ERBIN: variants seen among roughly 807,000 people sequenced by gnomAD.
ERBIN encodes the protein erbb2 interacting protein.
Under a neutral mutation model 158.4 loss-of-function variants are expected in ERBIN, and 60 were observed. That is an observed-to-expected ratio of 0.38 (90% CI 0.31 to 0.47). ERBIN has a LOEUF of 0.47. Among genes scored for constraint, ERBIN ranks in the 20% least tolerant of loss-of-function variants. The probability of loss-of-function intolerance (pLI) is 0.99; values close to 1 mark genes in which losing one functional copy is unlikely to be tolerated. For synonymous variants in ERBIN, 594 were observed against 557.2 expected (o/e 1.07, Z -0.93); for missense variants, 1,610 against 1,648.0 (o/e 0.98, Z 0.40).
chr5:66,072,383 T>TA (rs1205437759), intron 22 of ERBIN, 92 bp downstream of exon 22: 1 of 1,298,128 alleles, frequency 7.7e-7, no homozygotes, highest in African/African-American at 1.5e-5. Context: ...TAGATGAAAA[T>TA]ACTTTTTTGA....
chr5:66,010,000 A>G (rs1754034338), intron 4 of ERBIN, among the ~76,000 whole-genome samples: 1 of 152,208 alleles, frequency 6.6e-6, no homozygotes, highest in Non-Finnish European at 1.5e-5. Flanking sequence ...ATTTTGAACA[A>G]CCACCAAACT....
chr5:66,026,313 G>C lies in ERBIN; in HGVS notation c.1032G>C (p.Trp344Cys), dbSNP rs1756247688. 2 of 1,578,176 alleles carry C rather than the reference G, an allele frequency of 1.3e-6. No individual in the cohort carries two copies. The highest frequency in any genetic ancestry group is 1.7e-6 in the Non-Finnish European group (2 of 1,166,064). ...TATTTCTCTTTCAGATTGGAAGCTG[G>C]AAAAATATAACTGTGCTGTTTCTCC... ...LQQLPPEIGS[W>C]KNITVLFLHS... Residue 344 changes from tryptophan (W) to cysteine (C), a missense_variant, in exon 13 of 26, where the codon TGG becomes TGC. Around this residue, in one of 2 missense-constraint regions of ERBIN, gnomAD observed 596 missense variants for 711.9 expected, o/e 0.84. Coordinates refer to ENST00000284037, the MANE Select transcript of ERBIN (RefSeq NM_001253697.2).
At chr5:66,015,970 A>G (rs1754671020) in intron 7 of ERBIN, among the ~76,000 whole-genome samples, 1 of 152,212 alleles carries the variant, frequency 6.6e-6, no homozygotes, top group Admixed American at 6.5e-5. Context: ...ATGTTAATGT[A>G]TCTGTTTTTA....
At chr5:65,993,732 C>A (rs1184100054) in intron 3 of ERBIN, among the ~76,000 whole-genome samples, 1 of 151,936 alleles carries the variant, frequency 6.6e-6, no homozygotes, top group African/African-American at 2.4e-5. Flanking sequence ...GGAAAAAAAA[C>A]TATAAATTTG....
intron 18 of ERBIN, among the ~76,000 whole-genome samples, chr5:66,048,303 T>G (rs897653067): frequency 1.3e-5 from 2 of 151,936 alleles, no homozygotes. Flanking sequence ...TCTGTAGTGT[T>G]GAGGAGCCAC....
intron 21 of ERBIN, among the ~76,000 whole-genome samples, chr5:66,070,552 T>C (rs1561455582): frequency 1.1e-4 from 16 of 152,322 alleles, no homozygotes; most frequent in Non-Finnish European, 1.5e-5. Context: ...TTGAATACAT[T>C]GAATTTTACT....
chr5:65,958,119 G>T (rs1463742191), intron 1 of ERBIN, among the ~76,000 whole-genome samples: 2 of 149,298 alleles, frequency 1.3e-5, no homozygotes, highest in Non-Finnish European at 3.0e-5. Flanking sequence ...GGGAAGAGGC[G>T]CTCCTCACTT....
At position 66,050,889 on chromosome 5, in the gene ERBIN, T is replaced by C. The variant is rs767161492; in HGVS notation, c.2010T>C (p.Leu670=). Reference sequence around the variant, plus strand: ...CTCGGATGTCTGATTCAGTTTCTCTTAATACTGATAGTAGTCAAGACACCT... The same window carrying C: ...CTCGGATGTCTGATTCAGTTTCTCTCAATACTGATAGTAGTCAAGACACCT... ...SPSRMSDSVS[L]NTDSSQDTSL... The change falls in exon 20 of 26, where the codon CTT becomes CTC. Residue 670 remains leucine (L), a synonymous_variant. Transcript: ENST00000284037. The C allele has an allele frequency of 6.2e-7, 1 of 1,606,252 alleles. No individual in the cohort carries two copies. Among genetic ancestry groups the C allele is most frequent in the Non-Finnish European group, 8.5e-7 (1 of 1,176,574 alleles).
chr5:66,076,531 C>A, intron 24 of ERBIN, 123 bp downstream of exon 24: 1 of 772,010 alleles, frequency 1.3e-6, no homozygotes, highest in South Asian at 1.6e-5. Context: ...CCTGGATTCC[C>A]CACTCTATTG....
intron 1 of ERBIN, among the ~76,000 whole-genome samples, chr5:65,964,951 T>G: frequency 2.9e-5 from 4 of 136,910 alleles, no homozygotes; most frequent in African/African-American, 1.2e-4. Context: ...TGTGTAATTT[T>G]TTTTTTTTTT....
At chr5:65,986,623 A>T (rs1252269080) in intron 1 of ERBIN, among the ~76,000 whole-genome samples, 1 of 152,244 alleles carries the variant, frequency 6.6e-6, no homozygotes, top group Non-Finnish European at 1.5e-5. Context: ...TTTATGATGT[A>T]TGTACTTTTT....
At chr5:65,977,963 G>GAGGGAGAGGGAT (rs1750207297) in intron 1 of ERBIN, among the ~76,000 whole-genome samples, 1 of 151,142 alleles carries the variant, frequency 6.6e-6, no homozygotes, top group Non-Finnish European at 1.5e-5. Context: ...GGTTAGGGGA[G>GAGGGAGAGGGAT]AGGGAGAGGG....
At chr5:65,944,029 T>C (rs1282285062) in intron 1 of ERBIN, among the ~76,000 whole-genome samples, 1 of 152,200 alleles carries the variant, frequency 6.6e-6, no homozygotes, top group Non-Finnish European at 1.5e-5. Context: ...TACCACATTT[T>C]GCTTATCCAT....
intron 1 of ERBIN, among the ~76,000 whole-genome samples, chr5:65,966,544 G>A (rs945991639): frequency 1.4e-4 from 22 of 152,142 alleles, no homozygotes; most frequent in African/African-American, 5.1e-4. Context: ...ACCGGGCATG[G>A]TGGCGCATGC....
At chr5:65,969,448 C>G (rs1281067656) in intron 1 of ERBIN, among the ~76,000 whole-genome samples, 1 of 152,106 alleles carries the variant, frequency 6.6e-6, no homozygotes, top group Admixed American at 6.5e-5. Flanking sequence ...GAAAATGTAG[C>G]TTTTATGCCC....
chr5:65,985,554 C>T (rs1751132854), intron 1 of ERBIN, among the ~76,000 whole-genome samples: 1 of 152,164 alleles, frequency 6.6e-6, no homozygotes, highest in African/African-American at 2.4e-5. Flanking sequence ...TCCTCATGAG[C>T]AGCTTTTTAA....
intron 22 of ERBIN, among the ~76,000 whole-genome samples, chr5:66,074,726 T>C (rs1761833109): frequency 6.6e-6 from 1 of 152,070 alleles, no homozygotes; most frequent in South Asian, 2.1e-4. Flanking sequence ...TCTAAGAAAA[T>C]ACAAGTGTAG....
intron 7 of ERBIN, among the ~76,000 whole-genome samples, chr5:66,019,580 A>G (rs781558663): frequency 7.9e-5 from 12 of 152,202 alleles, no homozygotes; most frequent in Non-Finnish European, 1.6e-4. Flanking sequence ...GTGTATGAGT[A>G]TAGCCACAGT....
At chr5:65,945,977 T>G (rs571363390) in intron 1 of ERBIN, among the ~76,000 whole-genome samples, 2 of 152,294 alleles carry the variant, frequency 1.3e-5, no homozygotes, top group African/African-American at 4.8e-5. Flanking sequence ...ATCACCTGTT[T>G]TTTATTTTTA....
Sources: allele counts gnomAD v4.1 joint callset (sites outside exome capture counted in the v4.1 genomes callset), GRCh38; gene constraint gnomAD v4.1.1; regional missense constraint gnomAD v4.1.1; transcripts MANE v1.5; gene names NCBI Gene and HGNC (gene_info 2026-07-23, HGNC 2026-07-21).